CLSTN2: variants seen among roughly 807,000 people sequenced by gnomAD.
CLSTN2 encodes the protein calsyntenin-2.
A neutral mutation model predicts 101.2 loss-of-function variants in CLSTN2; 48 were observed. The ratio of observed to expected loss-of-function variants is 0.47; its 90% confidence interval spans 0.38 to 0.60. The LOEUF (loss-of-function observed/expected upper bound fraction) is 0.60. CLSTN2 is among the 20% of genes least tolerant of loss of function. The probability of loss-of-function intolerance (pLI) is 0.00; values close to 1 mark genes in which losing one functional copy is unlikely to be tolerated. For missense variants in CLSTN2, 1,160 were observed against 1,238.2 expected (o/e 0.94, Z 0.95); for synonymous variants, 481 against 463.6 (o/e 1.04, Z -0.48).
At chr3:140,237,730 C>T (rs183137704) in intron 2 of CLSTN2, among the ~76,000 whole-genome samples, 1 of 152,222 alleles carries the variant, frequency 6.6e-6, no homozygotes, top group Admixed American at 6.5e-5. Flanking sequence ...ACCTGACAGC[C>T]AGTTTAATAC....
At chr3:139,952,651 C>T (rs949461344) in intron 1 of CLSTN2, among the ~76,000 whole-genome samples, 1 of 152,108 alleles carries the variant, frequency 6.6e-6, no homozygotes, top group African/African-American at 2.4e-5. Context: ...ATTGGGGGAG[C>T]AAAACGGATG....
At chr3:140,178,513 A>G (rs967666041) in intron 2 of CLSTN2, among the ~76,000 whole-genome samples, 1 of 152,198 alleles carries the variant, frequency 6.6e-6, no homozygotes, top group African/African-American at 2.4e-5. Flanking sequence ...GACAACTTCT[A>G]TACTTCTATG....
intron 2 of CLSTN2, among the ~76,000 whole-genome samples, chr3:140,233,390 G>T (rs2086388331): frequency 6.6e-6 from 1 of 152,142 alleles, no homozygotes; most frequent in South Asian, 2.1e-4. Flanking sequence ...AGCTCATGCA[G>T]CACCCCATGG....
At chr3:140,553,870 G>C (rs187604349) in intron 10 of CLSTN2, among the ~76,000 whole-genome samples, 1 of 152,202 alleles carries the variant, frequency 6.6e-6, no homozygotes, top group Admixed American at 6.5e-5. Flanking sequence ...ACAGGGTTTG[G>C]TGAGTACTGA....
At chr3:139,954,469 C>T (rs1337780218) in intron 1 of CLSTN2, among the ~76,000 whole-genome samples, 1 of 152,154 alleles carries the variant, frequency 6.6e-6, no homozygotes, top group Non-Finnish European at 1.5e-5. Flanking sequence ...CCTCTGGGCT[C>T]AGGACTCTGA....
chr3:140,457,678 G>C (rs1933438252), intron 6 of CLSTN2, among the ~76,000 whole-genome samples: 1 of 152,222 alleles, frequency 6.6e-6, no homozygotes, highest in Admixed American at 6.5e-5. Context: ...GTGGAGCGTG[G>C]ACAAGGGGCT....
chr3:140,381,444 C>T (rs552956123), intron 2 of CLSTN2, among the ~76,000 whole-genome samples: 11 of 152,302 alleles, frequency 7.2e-5, no homozygotes, highest in African/African-American at 2.4e-5. Flanking sequence ...CATTGGAAAC[C>T]ATACAGTGTC....
intron 4 of CLSTN2, among the ~76,000 whole-genome samples, chr3:140,410,599 TA>T (rs2107983411): frequency 6.6e-6 from 1 of 152,170 alleles, no homozygotes; most frequent in South Asian, 2.1e-4. Flanking sequence ...TCCTTGTTAA[TA>T]CAAAATCATA....
chr3:139,985,497 G>T (rs1055666957), intron 1 of CLSTN2, among the ~76,000 whole-genome samples: 1 of 152,022 alleles, frequency 6.6e-6, no homozygotes, highest in Non-Finnish European at 1.5e-5. Context: ...TCCTAGCTGG[G>T]GTGTCTATGG....
chr3:139,952,547 T>G (rs146386593), intron 1 of CLSTN2, among the ~76,000 whole-genome samples: 187 of 152,274 alleles, frequency 1.2e-3, no homozygotes, highest in African/African-American at 4.4e-3. Flanking sequence ...TTTGCTGAAA[T>G]GGTTGAGCTT....
chr3:140,278,865 G>A (rs1576496651), intron 2 of CLSTN2, among the ~76,000 whole-genome samples: 1 of 152,060 alleles, frequency 6.6e-6, no homozygotes, highest in South Asian at 2.1e-4. Flanking sequence ...GACTACAAGT[G>A]CCTGCCACTA....
chr3:140,151,733 T>G (rs1417498019), intron 1 of CLSTN2, among the ~76,000 whole-genome samples: 1 of 152,214 alleles, frequency 6.6e-6, no homozygotes, highest in Non-Finnish European at 1.5e-5. Context: ...GGTATATTGC[T>G]CTGTCTGATC....
intron 4 of CLSTN2, among the ~76,000 whole-genome samples, chr3:140,413,838 A>G (rs2088395049): frequency 6.6e-6 from 1 of 152,182 alleles, no homozygotes; most frequent in Non-Finnish European, 1.5e-5. Flanking sequence ...AAAGCATTTC[A>G]CAAAATTCAT....
At chr3:139,953,931 T>TTGTGTGTGTG (rs145225696) in intron 1 of CLSTN2, among the ~76,000 whole-genome samples, 17,984 of 147,350 alleles carry the variant, frequency 0.12, 1,219 homozygotes, top group African/African-American at 0.16. Flanking sequence ...GTGTGTGTGT[T>TTGTGTGTGTG]TGTGTGTGTG....
chr3:140,277,752 G>A (rs1003839709), intron 2 of CLSTN2, among the ~76,000 whole-genome samples: 20 of 152,112 alleles, frequency 1.3e-4, no homozygotes, highest in Non-Finnish European at 5.9e-5. Context: ...TATTGTTTGC[G>A]CTGGGTGGTT....
intron 1 of CLSTN2, among the ~76,000 whole-genome samples, chr3:140,133,180 G>A (rs1406710986): frequency 6.6e-6 from 1 of 151,774 alleles, no homozygotes; most frequent in Non-Finnish European, 1.5e-5. Context: ...GAGAGGGAGG[G>A]GTGCCAGGCT....
At chr3:140,526,790 C>G (rs1040231290) in intron 8 of CLSTN2, among the ~76,000 whole-genome samples, 6 of 152,076 alleles carry the variant, frequency 3.9e-5, no homozygotes, top group African/African-American at 1.4e-4. Flanking sequence ...TGCACATCTA[C>G]AGCCATCTGA....
intron 2 of CLSTN2, among the ~76,000 whole-genome samples, chr3:140,232,941 T>C (rs2086383933): frequency 6.6e-6 from 1 of 152,140 alleles, no homozygotes; most frequent in Non-Finnish European, 1.5e-5. Flanking sequence ...CCCTCCGTCG[T>C]GCCCTGCCTC....
chr3:140,360,814 T>C (rs991854915), intron 2 of CLSTN2, among the ~76,000 whole-genome samples: 3 of 151,862 alleles, frequency 2.0e-5, no homozygotes, highest in African/African-American at 7.3e-5. Context: ...CAAAAAGAAA[T>C]AGAAAATCAG....
Sources: allele counts gnomAD v4.1 joint callset (sites outside exome capture counted in the v4.1 genomes callset), GRCh38; gene constraint gnomAD v4.1.1; transcripts MANE v1.5; gene names NCBI Gene and HGNC (gene_info 2026-07-23, HGNC 2026-07-21).